PLCB1: variants seen among roughly 807,000 people sequenced by gnomAD.
PLCB1 encodes the protein 1-phosphatidylinositol 4,5-bisphosphate phosphodiesterase beta-1.
Under a neutral mutation model 161.8 loss-of-function variants are expected in PLCB1, and 46 were observed. The ratio of observed to expected loss-of-function variants is 0.28; its 90% CI spans 0.22 to 0.36. The LOEUF is 0.36. Among genes scored for constraint, PLCB1 ranks in the 10% least tolerant of loss-of-function variants. The probability of loss-of-function intolerance (pLI) is 1.00; values close to 1 mark genes in which losing one functional copy is unlikely to be tolerated. For synonymous variants in PLCB1, 517 were observed against 503.7 expected (o/e 1.03, Z -0.35); for missense variants, 1,016 against 1,472.5 (o/e 0.69, Z 5.07).
chr20:8,662,425 T>TTTATTATATAATTATGTATAATATATAA (rs1449151440), intron 9 of PLCB1, among the ~76,000 whole-genome samples: 82 of 123,854 alleles, frequency 6.6e-4, no homozygotes, highest in Middle Eastern at 9.2e-3. Flanking sequence ...TATATAATTA[T>TTTATTATATAATTATGTATAATATATAA]TTATTATATA....
intron 2 of PLCB1, among the ~76,000 whole-genome samples, chr20:8,215,862 A>T (rs749380059): frequency 4.0e-5 from 6 of 151,734 alleles, no homozygotes; most frequent in Admixed American, 2.0e-4. Flanking sequence ...ATATATATTT[A>T]TATATATATT....
chr20:8,753,073 G>C (rs1018044640), intron 23 of PLCB1, among the ~76,000 whole-genome samples: 1 of 151,988 alleles, frequency 6.6e-6, no homozygotes, highest in Non-Finnish European at 1.5e-5. Flanking sequence ...CTGCACATGT[G>C]AAAAATCTAG....
At position 8,881,765 on chromosome 20, in the gene PLCB1, C is replaced by G. The variant is rs1018944049; in HGVS notation, c.3567C>G (p.Asp1189Glu). The change falls in exon 32 of 32, where the codon GAC (aspartate) becomes GAG (glutamate). Residue 1189 changes from aspartate (D) to glutamate (E), a missense_variant. By Grantham distance (45) the Asp-to-Glu change is conservative. Around this residue, in one of 10 missense-constraint regions of PLCB1, gnomAD observed 398 missense variants for 445.4 expected, o/e 0.89. Coordinates refer to ENST00000338037, the MANE Select transcript of PLCB1 (RefSeq NM_015192.4). The part of the protein sequence containing the change: ...HGSAPLSLSS[D>E]PGKVNHKTPS... ...CTGCCCCTCTCTCCCTGTCCTCAGA[C>G]CCTGGAAAAGTGAACCACAAGACTC... is the stretch of plus-strand genomic sequence containing the variant. 6.2e-7 allele frequency: 1 copy of G among 1,613,918 alleles called. No individual in the cohort carries two copies. The highest frequency in any genetic ancestry group is 1.3e-5 in the African/African-American group (1 of 74,902).
chr20:8,244,982 GA>G (rs72162239), intron 2 of PLCB1, among the ~76,000 whole-genome samples: 7,963 of 151,238 alleles, frequency 0.053, 699 homozygotes, highest in African/African-American at 0.18. Context: ...TTCTATTTTG[GA>G]GGGGGGGATG....
At chr20:8,658,427 A>G in intron 8 of PLCB1, 111 bp from the exon 9 acceptor site, 1 of 788,584 alleles carries the variant, frequency 1.3e-6, no homozygotes, top group Non-Finnish European at 2.0e-6. Context: ...GAGTTTCAAT[A>G]TAGCATTTTC....
In PLCB1 at chr20:8,609,379, C is replaced by T. The variant is rs542899085; in HGVS notation, c.247-18915C>T. On this transcript the variant is annotated intron_variant, in intron 3 of 31. Coordinates refer to ENST00000338037, the MANE Select transcript of PLCB1 (RefSeq NM_015192.4). ...GATTAAAAGTTTGAAAATGCTCCAG[C>T]ACTTGGATGAGGCAAGAATAGTGAG... is the stretch of plus-strand genomic sequence containing the variant. Among the ~76,000 whole-genome samples, 4 of 152,280 alleles carry T rather than the reference C, an allele frequency of 2.6e-5. No homozygotes were observed. The South Asian group carries it at 6.2e-4, about 24-fold the overall frequency.
chr20:8,779,751 T>C (rs957968892), intron 27 of PLCB1, among the ~76,000 whole-genome samples: 1 of 152,210 alleles, frequency 6.6e-6, no homozygotes, highest in South Asian at 2.1e-4. Flanking sequence ...TGTGTATCAT[T>C]GCCCCAAATG....
intron 9 of PLCB1, among the ~76,000 whole-genome samples, chr20:8,681,119 T>TATCTATATAA (rs1485697576): frequency 1.2e-5 from 1 of 82,094 alleles, no homozygotes; most frequent in Non-Finnish European, 2.2e-5. Flanking sequence ...TATATATATA[T>TATCTATATAA]AATATATATA....
chr20:8,517,028 T>A (rs1014483072), intron 3 of PLCB1, among the ~76,000 whole-genome samples: 47 of 151,610 alleles, frequency 3.1e-4, no homozygotes, highest in African/African-American at 9.0e-4. Context: ...GACAGCAGAG[T>A]GGGTGCTAGA....
intron 4 of PLCB1, among the ~76,000 whole-genome samples, chr20:8,641,905 C>T (rs1477436602): frequency 6.6e-6 from 1 of 152,130 alleles, no homozygotes; most frequent in Non-Finnish European, 1.5e-5. Context: ...CATTTTTTGG[C>T]TGCAGTTTGT....
intron 3 of PLCB1, among the ~76,000 whole-genome samples, chr20:8,594,577 T>C (rs1379152187): frequency 5.9e-5 from 9 of 151,608 alleles, no homozygotes; most frequent in Non-Finnish European, 1.3e-4. Flanking sequence ...GCCTGGTAAC[T>C]TAAGTTTTCT....
chr20:8,514,935 T>A (rs568941282), intron 3 of PLCB1, among the ~76,000 whole-genome samples: 2 of 152,294 alleles, frequency 1.3e-5, no homozygotes, highest in East Asian at 3.9e-4. Context: ...GCTAAGATTC[T>A]GAGTTTCCAA....
At chr20:8,254,521 C>A (rs1174681507) in intron 2 of PLCB1, among the ~76,000 whole-genome samples, 3 of 151,758 alleles carry the variant, frequency 2.0e-5, no homozygotes, top group Non-Finnish European at 4.4e-5. Context: ...TTTGTTAGGA[C>A]TTGAGTATAA....
intron 3 of PLCB1, among the ~76,000 whole-genome samples, chr20:8,588,312 C>T (rs1464761440): frequency 6.6e-6 from 1 of 152,122 alleles, no homozygotes; most frequent in Non-Finnish European, 1.5e-5. Flanking sequence ...GTCTCTTCAA[C>T]AAATGACACT....
chr20:8,651,361 G>A, intron 7 of PLCB1: 5 of 689,008 alleles, frequency 7.3e-6, no homozygotes, highest in South Asian at 6.3e-5. Context: ...AACTTTGGTG[G>A]GTCACAAGAA....
intron 3 of PLCB1, among the ~76,000 whole-genome samples, chr20:8,436,341 A>G (rs935100093): frequency 6.6e-6 from 1 of 152,042 alleles, no homozygotes; most frequent in East Asian, 1.9e-4. Flanking sequence ...AAAAAAAAAA[A>G]AAAGAATATT....
At chr20:8,733,210 C>A (rs376622367) in intron 18 of PLCB1, 28 bp from the exon 19 acceptor site, 10 of 1,610,190 alleles carry the variant, frequency 6.2e-6, no homozygotes, top group African/African-American at 1.3e-5. Flanking sequence ...GATAAACTCA[C>A]AATAAGGCTT....
chr20:8,161,032 T>C (rs899092116), intron 2 of PLCB1, among the ~76,000 whole-genome samples: 23 of 152,058 alleles, frequency 1.5e-4, no homozygotes, highest in African/African-American at 5.6e-4. Flanking sequence ...ACATACCTTT[T>C]TATCGTTGTT....
At chr20:8,181,106 C>T (rs1600220029) in intron 2 of PLCB1, among the ~76,000 whole-genome samples, 1 of 151,716 alleles carries the variant, frequency 6.6e-6, no homozygotes, top group African/African-American at 2.4e-5. Flanking sequence ...CAAAAATTAG[C>T]CAGGCGTGGT....
Sources: allele counts gnomAD v4.1 joint callset (sites outside exome capture counted in the v4.1 genomes callset), GRCh38; gene constraint gnomAD v4.1.1; regional missense constraint gnomAD v4.1.1; transcripts MANE v1.5; gene names NCBI Gene and HGNC (gene_info 2026-07-23, HGNC 2026-07-21).